TF: variants seen among roughly 807,000 people sequenced by gnomAD.
TF encodes serotransferrin.
A neutral mutation model predicts 82.4 loss-of-function variants in TF; 55 were observed. That is an observed-to-expected ratio of 0.67 (90% confidence interval 0.54 to 0.84). TF has a LOEUF of 0.84. TF is among the 40% of genes least tolerant of loss of function. TF has a pLI of 0.00. For missense variants in TF, 737 were observed against 868.4 expected, an observed-to-expected ratio of 0.85 and a Z score of 1.90; for synonymous variants, 332 against 332.6, an observed-to-expected ratio of 1.00 and a Z score of 0.02.
At chr3:133,757,069 T>G in intron 7 of TF, 60 bp downstream of exon 7, 5 of 1,606,908 alleles carry the variant, frequency 3.1e-6, no homozygotes, top group Non-Finnish European at 4.3e-6. Context: ...TTTGGGGGTT[T>G]TCCTCCTGGC....
the TF span, among the ~76,000 whole-genome samples, chr3:133,696,507 G>C: frequency 0.01 from 1,585 of 152,170 alleles, 30 homozygotes; most frequent in African/African-American, 0.036. Flanking sequence ...TCTTTCTTTA[G>C]TGCTCAGTTT....
the TF span, among the ~76,000 whole-genome samples, chr3:133,670,308 A>G: frequency 3.3e-5 from 5 of 152,244 alleles, no homozygotes; most frequent in Non-Finnish European, 1.5e-5. Context: ...GTACACACTA[A>G]TAAATCTATA....
chr3:133,730,984 C>A, the TF span, among the ~76,000 whole-genome samples: 1 of 152,216 alleles, frequency 6.6e-6, no homozygotes, highest in East Asian at 1.9e-4. Flanking sequence ...ATATTTAAAA[C>A]AACTAAAAGG....
At chr3:133,726,389 A>G in the TF span, among the ~76,000 whole-genome samples, 16 of 149,198 alleles carry the variant, frequency 1.1e-4, no homozygotes, top group South Asian at 2.1e-4. Context: ...GTCTTGGGAG[A>G]GTGTATGTGT....
chr3:133,773,055 A>G (rs2107931814), intron 14 of TF: 1 of 152,362 alleles, frequency 6.6e-6, no homozygotes, highest in East Asian at 1.9e-4. Flanking sequence ...CATAGCACAC[A>G]ACAGGTAGCT....
the TF span, among the ~76,000 whole-genome samples, chr3:133,702,920 C>T: frequency 2.0e-5 from 3 of 152,132 alleles, no homozygotes; most frequent in East Asian, 1.9e-4. Context: ...AATCTCAGTA[C>T]ATATAACATT....
chr3:133,685,457 C>T, the TF span, among the ~76,000 whole-genome samples: 4 of 152,246 alleles, frequency 2.6e-5, no homozygotes, highest in Non-Finnish European at 4.4e-5. Context: ...AAAACCCCAT[C>T]GTCTCAGCCC....
the TF span, among the ~76,000 whole-genome samples, chr3:133,722,732 TC>T: frequency 6.6e-6 from 1 of 152,330 alleles, no homozygotes; most frequent in East Asian, 1.9e-4. Flanking sequence ...TATGATGTGT[TC>T]CTCAGCCACT....
rs1416713418 is a variant in TF at position 133,784,198 on chromosome 3, C to G, written c.*5578C>G. ...TAGGGTTAGCGGCCATCGCCCAGCT[C>G]GTCTTCCTTCTACCAGACGCTGGTG... is the stretch of plus-strand genomic sequence containing the variant. On this transcript the variant is annotated 3_prime_UTR_variant, in exon 17 of 17. Transcript: ENST00000402696. 2.0e-5 allele frequency: 3 copies of G among 152,260 alleles called. No individual in the cohort carries two copies. The highest frequency in any genetic ancestry group is 6.5e-5 in the Admixed American group (1 of 15,284). The allele number at this position is 152,260 out of a possible 1,614,324, so 9.4% of individuals were successfully genotyped here. A position where few individuals can be genotyped will look rare whatever the true frequency, so the allele number is the denominator to read the frequency against.
At chr3:133,677,100 A>G in the TF span, among the ~76,000 whole-genome samples, 1 of 152,256 alleles carries the variant, frequency 6.6e-6, no homozygotes, top group African/African-American at 2.4e-5. Flanking sequence ...CCAAGGGCTC[A>G]GACAGCCTGT....
In TF at chr3:133,789,451, C is replaced by T. The variant is rs1357624654; in HGVS notation, c.*10831C>T. The T allele has an allele frequency of 6.6e-6, 1 of 152,216 alleles. No homozygotes were observed. The highest frequency in any genetic ancestry group is 1.5e-5 in the Non-Finnish European group (1 of 68,040). The allele number at this position is 152,216 out of a possible 1,614,324, so 9.4% of individuals were successfully genotyped here. A position where few individuals can be genotyped will look rare whatever the true frequency, so the allele number is the denominator to read the frequency against. ...TTGCTTTACCTGAAATAATAGTTCA[C>T]AGCCTTCATTGGATTGCTTATTGGG... On this transcript the variant is annotated 3_prime_UTR_variant, in exon 17 of 17. Transcript: ENST00000402696.
In TF at chr3:133,781,264, C is replaced by G. The variant is rs934369518; in HGVS notation, c.*2644C>G. The stretch of plus-strand genomic sequence containing the variant: ...CTGGGAGGCAGAAGTTGTGGTGAGC[C>G]GAGATCGCACCATTGCACTCCAGTC... On this transcript the variant is annotated 3_prime_UTR_variant, in exon 17 of 17. Coordinates refer to ENST00000402696, the MANE Select transcript of TF (RefSeq NM_001063.4). 6.6e-6 allele frequency: 1 copy of G among 151,816 alleles called. No homozygotes were observed. The highest frequency in any genetic ancestry group is 1.5e-5 in the Non-Finnish European group (1 of 67,994). 9.4% of individuals were successfully genotyped at this position (151,816 alleles called of 1,614,324 possible). A position where few individuals can be genotyped will look rare whatever the true frequency, so the allele number is the denominator to read the frequency against.
the TF span, among the ~76,000 whole-genome samples, chr3:133,697,659 A>G: frequency 1.3e-5 from 2 of 152,194 alleles, no homozygotes; most frequent in Non-Finnish European, 2.9e-5. Context: ...TGGGCCTTTG[A>G]GTGGCCAAGG....
chr3:133,669,469 G>A, the TF span, among the ~76,000 whole-genome samples: 2 of 152,240 alleles, frequency 1.3e-5, no homozygotes, highest in African/African-American at 4.8e-5. Context: ...TTCCTAGCCA[G>A]AGACTATGGT....
the TF span, among the ~76,000 whole-genome samples, chr3:133,663,952 C>T: frequency 1.3e-5 from 2 of 152,202 alleles, no homozygotes; most frequent in Non-Finnish European, 2.9e-5. Flanking sequence ...GGCAAGTTCT[C>T]CCATCTTGTG....
chr3:133,757,047 T>A (rs889467447), intron 7 of TF, 38 bp downstream of exon 7: 2 of 1,613,614 alleles, frequency 1.2e-6, no homozygotes, highest in African/African-American at 2.7e-5. Context: ...AGCTTAGTGC[T>A]CCCTGCTTGG....
At chr3:133,701,773 T>C in the TF span, among the ~76,000 whole-genome samples, 2 of 152,022 alleles carry the variant, frequency 1.3e-5, no homozygotes, top group Non-Finnish European at 2.9e-5. Context: ...GAGAAGTGAG[T>C]TCCCCATTTC....
the TF span, among the ~76,000 whole-genome samples, chr3:133,723,026 G>T: frequency 6.6e-6 from 1 of 151,844 alleles, no homozygotes. Context: ...CTTCATTTCT[G>T]AGGGATAACT....
the TF span, among the ~76,000 whole-genome samples, chr3:133,691,456 G>A: frequency 6.6e-6 from 1 of 152,162 alleles, no homozygotes; most frequent in Non-Finnish European, 1.5e-5. Context: ...CCAAAGGGGA[G>A]GACAAACAAT....
Sources: gnomAD v4.1 joint callset for allele counts (sites outside exome capture counted in the v4.1 genomes callset) on GRCh38, gnomAD v4.1.1 for gene constraint, MANE v1.5 for transcripts, NCBI Gene and HGNC (gene_info 2026-07-23, HGNC 2026-07-21) for gene names.